Variants in DNAH7 observed in about 807,000 individuals in gnomAD.
DNAH7 encodes the protein axonemal beta dynein heavy chain 7.
Under a neutral mutation model 444.6 loss-of-function variants are expected in DNAH7, and 397 were observed. The ratio of observed to expected loss-of-function variants is 0.89; its 90% CI spans 0.82 to 0.97. The LOEUF is 0.97. Among genes scored for constraint, DNAH7 ranks in the 50% least tolerant of loss-of-function variants. The pLI, the probability that DNAH7 is intolerant of heterozygous loss-of-function variation, is 0.00. For synonymous variants in DNAH7, 1,636 were observed against 1,624.4 expected, an observed-to-expected ratio of 1.01 and a Z score of -0.17; for missense variants, 4,902 against 4,800.8, an observed-to-expected ratio of 1.02 and a Z score of -0.62.
chr2:195,971,549 A>G (rs984950762), intron 16 of DNAH7, among the ~76,000 whole-genome samples: 1 of 152,168 alleles, frequency 6.6e-6, no homozygotes, highest in African/African-American at 2.4e-5. Context: ...GGCTTCTCAG[A>G]AAAATGAATA....
At chr2:195,771,078 T>C (rs1022423664) in intron 61 of DNAH7, among the ~76,000 whole-genome samples, 2 of 151,882 alleles carry the variant, frequency 1.3e-5, no homozygotes, top group African/African-American at 4.8e-5. Context: ...TCCCTGCACT[T>C]TGGGAGGCCA....
Position 195,756,417 on chromosome 2 carries a change from A to G in DNAH7, c.11434-132T>C. ...ATTAGTTAAGGTTGAGTCATACAGG[A>G]AAAAAAAAAAGTGAAGATATTTGTT... is the stretch of plus-strand genomic sequence containing the variant. On this transcript the variant is annotated intron_variant, in intron 61 of 64. Coordinates refer to ENST00000312428, the MANE Select transcript of DNAH7 (RefSeq NM_018897.3). 7.2e-6 allele frequency: 3 copies of G among 419,364 alleles called. 1 individual carries two copies. Among genetic ancestry groups the G allele is most frequent in the Non-Finnish European group, 1.1e-5 (3 of 277,184 alleles). 26.0% of individuals were successfully genotyped at this position (419,364 alleles called of 1,614,324 possible). A position where few individuals can be genotyped will look rare whatever the true frequency, so the allele number is the denominator to read the frequency against.
chr2:196,057,695 T>C (rs1302270401), intron 2 of DNAH7, among the ~76,000 whole-genome samples: 1 of 152,186 alleles, frequency 6.6e-6, no homozygotes, highest in African/African-American at 2.4e-5. Context: ...TCTTAAAATG[T>C]TTCAAAACAA....
In DNAH7 at chr2:195,816,732, A is replaced by C; in HGVS notation, c.9657T>G (p.Asp3219Glu). ...GGTACATGGGCTCAATGTTGGCTAA[A>C]TCAGCAAGAGAAAAAAATAGGATGG... ...HSSILFFSLA[D>E]LANIEPMYQY... Residue 3219 changes from aspartate (D) to glutamate (E), a missense_variant, in exon 51 of 65, where the codon GAT becomes GAG. Coordinates refer to ENST00000312428, the MANE Select transcript of DNAH7 (RefSeq NM_018897.3). The C allele has an allele frequency of 6.2e-7, 1 of 1,614,214 alleles. No homozygotes were observed. Among genetic ancestry groups the C allele is most frequent in the East Asian group, 2.2e-5 (1 of 44,882 alleles).
chr2:195,838,452 C>A (rs927818709), intron 47 of DNAH7, among the ~76,000 whole-genome samples: 1 of 151,536 alleles, frequency 6.6e-6, no homozygotes, highest in Admixed American at 6.6e-5. Context: ...TAAATAGAGA[C>A]ATTCTCAGGA....
At chr2:195,970,144 C>T in intron 16 of DNAH7, 50 bp from the exon 17 acceptor site, 1 of 1,523,124 alleles carries the variant, frequency 6.6e-7, no homozygotes, top group Non-Finnish European at 8.8e-7. Context: ...AAACCCCTTG[C>T]TGTCAAAAAA....
At chr2:195,814,241 T>C (rs1697116071) in intron 51 of DNAH7, among the ~76,000 whole-genome samples, 1 of 152,234 alleles carries the variant, frequency 6.6e-6, no homozygotes, top group Non-Finnish European at 1.5e-5. Flanking sequence ...ATTTACCTTT[T>C]GGTTCCAAAA....
chr2:196,057,282 AT>A (rs1697866471), intron 2 of DNAH7, among the ~76,000 whole-genome samples: 1 of 152,244 alleles, frequency 6.6e-6, no homozygotes, highest in Non-Finnish European at 1.5e-5. Flanking sequence ...ATTTTAGACA[AT>A]TACATGCCTT....
intron 3 of DNAH7, among the ~76,000 whole-genome samples, chr2:196,050,705 A>AT (rs1439458884): frequency 1.3e-5 from 2 of 152,176 alleles, no homozygotes; most frequent in African/African-American, 4.8e-5. Flanking sequence ...CCACAAGACA[A>AT]TGACACTTTA....
chr2:196,044,832 T>C (rs539960787), intron 5 of DNAH7, among the ~76,000 whole-genome samples: 5 of 152,164 alleles, frequency 3.3e-5, no homozygotes, highest in African/African-American at 9.6e-5. Flanking sequence ...CTCTGAGAGG[T>C]TGAGGTAGGG....
chr2:195,957,567 A>T (rs1039437271), intron 18 of DNAH7, 120 bp from the exon 19 acceptor site: 1 of 465,476 alleles, frequency 2.1e-6, no homozygotes, highest in Middle Eastern at 3.6e-4. Context: ...ATTGTTATAC[A>T]TTATATACAA....
chr2:195,873,575 C>T lies in DNAH7; in HGVS notation c.6406G>A (p.Glu2136Lys), dbSNP rs576462728. ...IFSRILTWHL[E>K]ICYKFPDEFL... Reference sequence around the variant, plus strand: ...CAAATTTTGATTACTTACCAGATTTCTAAATGCCAAGTTAAGATTCTAGAG... The same window carrying T: ...CAAATTTTGATTACTTACCAGATTTTTAAATGCCAAGTTAAGATTCTAGAG... The change falls in exon 39 of 65, where the codon GAA (glutamate) becomes AAA (lysine). Residue 2136 changes from glutamate (E) to lysine (K), a missense_variant. Coordinates refer to ENST00000312428, the MANE Select transcript of DNAH7 (RefSeq NM_018897.3). 3.7e-6 allele frequency: 5 copies of T among 1,362,530 alleles called. No individual in the cohort carries two copies. The highest frequency in any genetic ancestry group is 5.5e-5 in the East Asian group (2 of 36,394). 84.4% of individuals were successfully genotyped at this position (1,362,530 alleles called of 1,614,324 possible). A position where few individuals can be genotyped will look rare whatever the true frequency, so the allele number is the denominator to read the frequency against.
At chr2:195,890,627 T>C (rs1701960566) in intron 31 of DNAH7, among the ~76,000 whole-genome samples, 2 of 152,132 alleles carry the variant, frequency 1.3e-5, no homozygotes, top group Non-Finnish European at 2.9e-5. Context: ...ACATCAAGGG[T>C]TCCAGAGCTC....
chr2:195,744,568 C>A (rs1481597890), intron 63 of DNAH7, among the ~76,000 whole-genome samples: 2 of 152,192 alleles, frequency 1.3e-5, no homozygotes, highest in Admixed American at 6.5e-5. Context: ...GGTCCCTGAC[C>A]CCTCACCCCC....
At chr2:196,009,690 C>T (rs1694611321) in intron 10 of DNAH7, among the ~76,000 whole-genome samples, 1 of 152,102 alleles carries the variant, frequency 6.6e-6, no homozygotes, top group African/African-American at 2.4e-5. Flanking sequence ...AAAAGCTTTG[C>T]ATAGCAAAGG....
At chr2:195,865,349 T>G (rs1700266803) in intron 40 of DNAH7, among the ~76,000 whole-genome samples, 1 of 152,214 alleles carries the variant, frequency 6.6e-6, no homozygotes, top group Non-Finnish European at 1.5e-5. Flanking sequence ...CAGATGTGGA[T>G]AGCAGAGCTG....
intron 61 of DNAH7, among the ~76,000 whole-genome samples, chr2:195,771,287 C>A (rs746411833): frequency 8.5e-5 from 13 of 152,082 alleles, no homozygotes; most frequent in African/African-American, 3.1e-4. Flanking sequence ...CAGCAGTGAG[C>A]GGTAATCACA....
intron 24 of DNAH7, among the ~76,000 whole-genome samples, chr2:195,919,078 G>A (rs1687862139): frequency 6.6e-6 from 1 of 151,840 alleles, no homozygotes. Flanking sequence ...GTGAAACTCT[G>A]TCTCTACTAA....
At chr2:195,784,225 T>C (rs1695509915) in intron 58 of DNAH7, among the ~76,000 whole-genome samples, 1 of 152,212 alleles carries the variant, frequency 6.6e-6, no homozygotes, top group African/African-American at 2.4e-5. Flanking sequence ...TTTGCTGCCC[T>C]AAATAAAAAT....
Sources: gnomAD v4.1 joint callset for allele counts (sites outside exome capture counted in the v4.1 genomes callset) on GRCh38, gnomAD v4.1.1 for gene constraint, MANE v1.5 for transcripts, NCBI Gene and HGNC (gene_info 2026-07-23, HGNC 2026-07-21) for gene names.